Variants in PIP5K1B observed in about 807,000 individuals in gnomAD.
PIP5K1B encodes phosphatidylinositol 4-phosphate 5-kinase type-1 beta.
A neutral mutation model predicts 67.0 loss-of-function variants in PIP5K1B; 42 were observed. The ratio of observed to expected loss-of-function variants is 0.63; its 90% CI spans 0.49 to 0.81. The LOEUF (loss-of-function observed/expected upper bound fraction) is 0.81. Ranked by LOEUF, PIP5K1B falls within the 30% of genes least tolerant of loss-of-function variation. The pLI is 0.00. For synonymous variants in PIP5K1B, 214 were observed against 231.4 expected, an observed-to-expected ratio of 0.92 and a Z score of 0.68; for missense variants, 459 against 646.3, an observed-to-expected ratio of 0.71 and a Z score of 3.14.
intron 5 of PIP5K1B, among the ~76,000 whole-genome samples, chr9:68,869,398 C>T (rs1285826597): frequency 6.6e-6 from 1 of 152,168 alleles, no homozygotes; most frequent in Non-Finnish European, 1.5e-5. Context: ...AAACCATCCC[C>T]CCATTTCCAC....
chr9:68,821,076 G>A (rs1309568775), intron 3 of PIP5K1B, among the ~76,000 whole-genome samples: 1 of 152,118 alleles, frequency 6.6e-6, no homozygotes, highest in Non-Finnish European at 1.5e-5. Flanking sequence ...TTAGGAGTTC[G>A]AGACCAGCCT....
At chr9:68,903,102 T>C (rs1482240982) in intron 8 of PIP5K1B, among the ~76,000 whole-genome samples, 1 of 152,242 alleles carries the variant, frequency 6.6e-6, no homozygotes, top group Non-Finnish European at 1.5e-5. Flanking sequence ...TGCTTCATTA[T>C]ATTGTAATTA....
chr9:69,000,850 G>T (rs2871223), intron 15 of PIP5K1B, among the ~76,000 whole-genome samples: 14 of 151,516 alleles, frequency 9.2e-5, no homozygotes, highest in African/African-American at 3.4e-4. Context: ...GGAAAATGCC[G>T]CCGAGGAAAG....
At chr9:68,897,926 G>A (rs1172773460) in intron 8 of PIP5K1B, among the ~76,000 whole-genome samples, 1 of 152,124 alleles carries the variant, frequency 6.6e-6, no homozygotes, top group East Asian at 1.9e-4. Context: ...CCCATGGACT[G>A]CTTCCCTGAC....
At chr9:68,794,673 T>C (rs1431491426) in intron 2 of PIP5K1B, among the ~76,000 whole-genome samples, 4 of 150,894 alleles carry the variant, frequency 2.7e-5, no homozygotes, top group Non-Finnish European at 4.4e-5. Flanking sequence ...GAGACATTTT[T>C]CTCTTCAGTG....
chr9:68,885,588 AAAAC>A (rs1471221282), intron 6 of PIP5K1B, among the ~76,000 whole-genome samples: 1 of 152,196 alleles, frequency 6.6e-6, no homozygotes, highest in Non-Finnish European at 1.5e-5. Flanking sequence ...ATCTCATAGA[AAAAC>A]AAATACTGCA....
intron 1 of PIP5K1B, among the ~76,000 whole-genome samples, chr9:68,716,343 A>C (rs1827632793): frequency 6.6e-6 from 1 of 152,272 alleles, no homozygotes; most frequent in Non-Finnish European, 1.5e-5. Context: ...CTCCCATCAC[A>C]GAATATAACA....
chr9:68,853,690 G>A (rs891572041), intron 4 of PIP5K1B, among the ~76,000 whole-genome samples: 3 of 152,144 alleles, frequency 2.0e-5, no homozygotes, highest in Non-Finnish European at 2.9e-5. Context: ...GAGAGCTAAT[G>A]TGGGGTCACC....
chr9:68,797,713 A>G (rs1310944666), intron 2 of PIP5K1B, among the ~76,000 whole-genome samples: 4 of 152,216 alleles, frequency 2.6e-5, no homozygotes, highest in African/African-American at 4.8e-5. Flanking sequence ...AAGAGATTGG[A>G]AGAAAGAATA....
intron 8 of PIP5K1B, among the ~76,000 whole-genome samples, chr9:68,896,258 T>A (rs1444739348): frequency 6.6e-6 from 1 of 152,184 alleles, no homozygotes; most frequent in Non-Finnish European, 1.5e-5. Flanking sequence ...CTCTCCAGTT[T>A]TAAGTTTGCT....
intron 3 of PIP5K1B, 153 bp from the exon 4 acceptor site, chr9:68,822,462 A>ATT: frequency 1.9e-6 from 1 of 535,646 alleles, no homozygotes; most frequent in South Asian, 3.2e-5. Flanking sequence ...CTTTTTTAGT[A>ATT]TTCTGAAATG....
At chr9:68,813,825 T>C (rs545605403) in intron 2 of PIP5K1B, among the ~76,000 whole-genome samples, 1 of 152,022 alleles carries the variant, frequency 6.6e-6, no homozygotes, top group Admixed American at 6.5e-5. Context: ...AGCTAAAAAG[T>C]AGCAAGGAAG....
intron 15 of PIP5K1B, among the ~76,000 whole-genome samples, chr9:68,996,386 T>C (rs914470252): frequency 6.6e-6 from 1 of 152,128 alleles, no homozygotes; most frequent in Non-Finnish European, 1.5e-5. Flanking sequence ...CACTGTAGAG[T>C]CCCAAGCTAT....
At chr9:68,863,491 A>T (rs1411806389) in intron 4 of PIP5K1B, among the ~76,000 whole-genome samples, 1 of 152,196 alleles carries the variant, frequency 6.6e-6, no homozygotes, top group East Asian at 1.9e-4. Flanking sequence ...TAATTATTGG[A>T]TGATATTAGA....
At chr9:68,904,736 G>C (rs1329659260) in intron 8 of PIP5K1B, among the ~76,000 whole-genome samples, 1 of 146,418 alleles carries the variant, frequency 6.8e-6, no homozygotes, top group African/African-American at 2.5e-5. Context: ...GAAACGGAAG[G>C]ATTATCAAGT....
chr9:68,988,444 G>GTTT lies in PIP5K1B; in HGVS notation c.1503-2675_1503-2673dup, dbSNP rs61373302. ...GGAAAAACTTAGTTGTTTTTTTGGG[G>GTTT]TTTTTTTTTTTTTTTTTTTTTTTGA... On this transcript the variant is annotated intron_variant, in intron 14 of 15. Coordinates refer to ENST00000265382, the MANE Select transcript of PIP5K1B (RefSeq NM_003558.4). 3.0e-3 allele frequency among the ~76,000 whole-genome samples: 333 copies of GTTT among 109,942 alleles called. 4 individuals carry two copies. Among genetic ancestry groups the GTTT allele is most frequent in the East Asian group, 0.013 (38 of 3,002 alleles). 72.1% of individuals were successfully genotyped at this position (109,942 alleles called of 152,430 possible).
At chr9:68,752,043 T>C (rs984652158) in intron 2 of PIP5K1B, among the ~76,000 whole-genome samples, 2 of 152,300 alleles carry the variant, frequency 1.3e-5, no homozygotes, top group South Asian at 4.1e-4. Flanking sequence ...ATTTTATAAA[T>C]GTATTAAAGG....
chr9:68,953,581 C>T (rs750821376), intron 14 of PIP5K1B, among the ~76,000 whole-genome samples: 4 of 151,740 alleles, frequency 2.6e-5, no homozygotes, highest in Non-Finnish European at 4.4e-5. Context: ...ATTTGGAGGC[C>T]GAGGTAGGAG....
chr9:68,970,174 G>A (rs944879791), intron 14 of PIP5K1B, among the ~76,000 whole-genome samples: 3 of 152,138 alleles, frequency 2.0e-5, no homozygotes, highest in Non-Finnish European at 2.9e-5. Flanking sequence ...GTTCTTAAAT[G>A]TTATAAAGGA....
Sources: gnomAD v4.1 joint callset for allele counts (sites outside exome capture counted in the v4.1 genomes callset) on GRCh38, gnomAD v4.1.1 for gene constraint, MANE v1.5 for transcripts, NCBI Gene and HGNC (gene_info 2026-07-23, HGNC 2026-07-21) for gene names.